The following SPMIP2 variants were observed in gnomAD, a reference collection of about 807,000 sequenced individuals.
SPMIP2 encodes the protein protein SPMIP2.
chr4:158,991,863 T>A, the SPMIP2 span, among the ~76,000 whole-genome samples: 263 of 147,442 alleles, frequency 1.8e-3, no homozygotes, highest in African/African-American at 4.1e-3. Flanking sequence ...AGTTTTTTTT[T>A]AATTTTATTT....
At chr4:158,966,921 G>T in the SPMIP2 span, among the ~76,000 whole-genome samples, 1 of 152,156 alleles carries the variant, frequency 6.6e-6, no homozygotes, top group African/African-American at 2.4e-5. Flanking sequence ...AAAGCCCTGT[G>T]CTTAGTTGAG....
the SPMIP2 span, among the ~76,000 whole-genome samples, chr4:158,977,087 T>C: frequency 1.3e-5 from 2 of 152,214 alleles, no homozygotes; most frequent in Non-Finnish European, 2.9e-5. Context: ...CAGGTTTTGG[T>C]ATCAGAATGA....
At chr4:159,031,833 G>C in the SPMIP2 span, among the ~76,000 whole-genome samples, 1 of 152,148 alleles carries the variant, frequency 6.6e-6, no homozygotes, top group African/African-American at 2.4e-5. Context: ...GTTCATTGGC[G>C]TGTGTTTTAA....
the SPMIP2 span, among the ~76,000 whole-genome samples, chr4:159,059,310 G>C: frequency 1.3e-5 from 2 of 152,222 alleles, no homozygotes; most frequent in Non-Finnish European, 2.9e-5. Flanking sequence ...GTGAATTTAA[G>C]AGTGATAAAA....
the SPMIP2 span, chr4:158,904,507 G>C: frequency 2.5e-6 from 4 of 1,613,236 alleles, no homozygotes; most frequent in East Asian, 8.9e-5. Flanking sequence ...GCTATTGCCA[G>C]TACTCATTCT....
chr4:158,929,805 GAA>G, the SPMIP2 span, among the ~76,000 whole-genome samples: 1 of 152,070 alleles, frequency 6.6e-6, no homozygotes, highest in Non-Finnish European at 1.5e-5. Flanking sequence ...TCACATAGGA[GAA>G]AAGAGAAGTT....
At chr4:158,972,306 G>A in the SPMIP2 span, among the ~76,000 whole-genome samples, 12 of 152,312 alleles carry the variant, frequency 7.9e-5, no homozygotes, top group Admixed American at 3.3e-4. Context: ...AGGTTACAGC[G>A]AGTCAAGATC....
At chr4:158,946,221 T>C in the SPMIP2 span, among the ~76,000 whole-genome samples, 1 of 152,226 alleles carries the variant, frequency 6.6e-6, no homozygotes, top group Non-Finnish European at 1.5e-5. Flanking sequence ...ATTAGTAAGT[T>C]CTCTTCTTAA....
the SPMIP2 span, among the ~76,000 whole-genome samples, chr4:158,976,776 C>T: frequency 6.7e-6 from 1 of 148,864 alleles, no homozygotes; most frequent in East Asian, 2.0e-4. Flanking sequence ...ATTCTCCCAT[C>T]TCAGCTTCTC....
the SPMIP2 span, among the ~76,000 whole-genome samples, chr4:159,040,342 T>C: frequency 6.6e-6 from 1 of 151,904 alleles, no homozygotes; most frequent in African/African-American, 2.4e-5. Context: ...TGGCTAATTT[T>C]TTGCATTTTT....
chr4:159,018,233 G>A, the SPMIP2 span, among the ~76,000 whole-genome samples: 3 of 152,224 alleles, frequency 2.0e-5, no homozygotes, highest in Admixed American at 6.5e-5. Flanking sequence ...CAGCATATCA[G>A]TAACAGCCCA....
chr4:159,031,352 A>G, the SPMIP2 span, among the ~76,000 whole-genome samples: 1 of 152,248 alleles, frequency 6.6e-6, no homozygotes, highest in South Asian at 2.1e-4. Flanking sequence ...GAATAAAGGA[A>G]CAAGTTAAAT....
the SPMIP2 span, among the ~76,000 whole-genome samples, chr4:159,002,037 GT>G: frequency 6.6e-6 from 1 of 151,926 alleles, no homozygotes; most frequent in Admixed American, 6.6e-5. Flanking sequence ...CCTGACTGGT[GT>G]TTTTGTGGTT....
chr4:158,902,937 C>T, the SPMIP2 span, among the ~76,000 whole-genome samples: 1 of 152,176 alleles, frequency 6.6e-6, no homozygotes, highest in East Asian at 1.9e-4. Context: ...GGCATGGGAC[C>T]CACTGAGCCA....
At chr4:158,954,935 C>A in the SPMIP2 span, among the ~76,000 whole-genome samples, 2 of 152,068 alleles carry the variant, frequency 1.3e-5, no homozygotes, top group Non-Finnish European at 2.9e-5. Context: ...AACCATTCCT[C>A]TATTTCCTAT....
the SPMIP2 span, among the ~76,000 whole-genome samples, chr4:158,995,250 A>T: frequency 2.0e-5 from 3 of 152,250 alleles, no homozygotes; most frequent in East Asian, 5.8e-4. Flanking sequence ...TTTGTAGTCA[A>T]ACTTTCCTGT....
At chr4:158,981,217 A>T in the SPMIP2 span, among the ~76,000 whole-genome samples, 2 of 152,222 alleles carry the variant, frequency 1.3e-5, no homozygotes, top group African/African-American at 4.8e-5. Flanking sequence ...GAAAAGACCA[A>T]ACCTATGTTT....
At chr4:159,013,131 C>T in the SPMIP2 span, among the ~76,000 whole-genome samples, 1 of 152,134 alleles carries the variant, frequency 6.6e-6, no homozygotes, top group African/African-American at 2.4e-5. Context: ...CTGTATGTTG[C>T]TGGTGAAAAT....
the SPMIP2 span, chr4:159,035,185 G>T: frequency 1.9e-6 from 2 of 1,040,618 alleles, no homozygotes; most frequent in Non-Finnish European, 2.9e-6. Context: ...AGACTCTGCA[G>T]TCTTTCCTCT....
Sources: gnomAD v4.1 joint callset for allele counts (sites outside exome capture counted in the v4.1 genomes callset) on GRCh38, gnomAD v4.1.1 for gene constraint, MANE v1.5 for transcripts, NCBI Gene and HGNC (gene_info 2026-07-23, HGNC 2026-07-21) for gene names.